The following OTOG variants were observed in gnomAD, a reference collection of about 807,000 sequenced individuals.
OTOG encodes otogelin.
Under a neutral mutation model 313.8 loss-of-function variants are expected in OTOG, and 296 were observed. That is an observed-to-expected ratio of 0.94 (90% CI 0.86 to 1.04). OTOG has a LOEUF of 1.04. OTOG is among the 50% of genes least tolerant of loss of function. OTOG has a pLI of 0.00. For synonymous variants in OTOG, 1,533 were observed against 1,554.9 expected (o/e 0.99, Z 0.33); for missense variants, 3,948 against 3,840.1 (o/e 1.03, Z -0.74).
Position 17,612,221 on chromosome 11 carries a change from G to T in OTOG, c.6183G>T (p.Val2061=). ...HICLEGQLIR[V]NQSQHCPQGA... is the part of the protein sequence containing the mutation. The stretch of plus-strand genomic sequence containing the variant: ...GCCTGGAGGGCCAGCTGATTCGCGT[G>T]AATCAGTCCCAGCACTGTCCCCAGG... The change falls in exon 37 of 56, where the codon GTG becomes GTT. Residue 2061 remains valine, a synonymous_variant. Transcript: ENST00000399397. The T allele has an allele frequency of 6.5e-7, 1 of 1,549,328 alleles. No homozygotes were observed.
Position 17,635,082 on chromosome 11 carries a change from T to C in OTOG, c.7588T>C (p.Cys2530Arg). The C allele has an allele frequency of 1.9e-6, 3 of 1,547,742 alleles. No individual in the cohort carries two copies. Among genetic ancestry groups the C allele is most frequent in the African/African-American group, 1.4e-5 (1 of 73,008 alleles). The part of the protein sequence containing the change: ...DSCCPSYSCE[C>R]DPDLCEAELV... ...CCTAAATTCAGCCTTTTCCCCAGAG[T>C]GTGACCCAGATCTCTGTGAGGCAGA... Residue 2530 changes from cysteine to arginine, a missense_variant and splice_region_variant, in exon 46 of 56, where the codon TGT (cysteine) becomes CGT (arginine). Coordinates refer to ENST00000399397, the MANE Select transcript of OTOG (RefSeq NM_001292063.2).
chr11:17,592,920 T>C (rs1852984725), intron 25 of OTOG, among the ~76,000 whole-genome samples: 2 of 152,204 alleles, frequency 1.3e-5, no homozygotes. Context: ...CTCTTCCCCA[T>C]ACCCTATCAA....
intron 25 of OTOG, among the ~76,000 whole-genome samples, 186 bp from the exon 26 acceptor site, chr11:17,593,007 C>T (rs775039785): frequency 3.9e-5 from 6 of 152,082 alleles, no homozygotes; most frequent in South Asian, 4.2e-4. Context: ...TGTTAAACAC[C>T]GCACTAGGCA....
At chr11:17,578,602 A>G in intron 23 of OTOG, 76 bp downstream of exon 23, 1 of 1,443,488 alleles carries the variant, frequency 6.9e-7, no homozygotes, top group Non-Finnish European at 9.1e-7. Flanking sequence ...GAGTGGGGGC[A>G]GGGAAAACAT....
chr11:17,570,334 G>A lies in OTOG; in HGVS notation c.1899G>A (p.Val633=), dbSNP rs1852377166. The change falls in exon 17 of 56, where the codon GTG becomes GTA. Residue 633 remains valine (V), a synonymous_variant. Transcript: ENST00000399397. ...ACCTGCAAGTGGACCAGCGATGGGTGGAGGATACCGTGGGCCTCTGCGGCA... is the reference window on the plus strand; with the variant it reads ...ACCTGCAAGTGGACCAGCGATGGGTAGAGGATACCGTGGGCCTCTGCGGCA... ...RLYLQVDQRW[V]EDTVGLCGTF... is the part of the protein sequence containing the mutation. The A allele has an allele frequency of 7.7e-6, 12 of 1,550,700 alleles. No individual in the cohort carries two copies. In the East Asian group the frequency reaches 2.7e-4, roughly 35 times the overall value.
At position 17,634,108 on chromosome 11, in the gene OTOG, A is replaced by T; in HGVS notation, c.7307A>T (p.Glu2436Val). ...DSMGVPRALG[E>V]TWNSSLSGCC... The stretch of plus-strand genomic sequence containing the variant: ...ATGGGGGTGCCGAGGGCCCTGGGGG[A>T]GACCTGGAACAGCTCCCTCAGCGGC... The change falls in exon 44 of 56, where the codon GAG becomes GTG. Residue 2436 changes from glutamate (E) to valine (V), a missense_variant. Physicochemically the swap from Glu to Val is moderately radical, Grantham distance 121. Transcript: ENST00000399397. 6.5e-7 allele frequency: 1 copy of T among 1,548,178 alleles called. No homozygotes were observed. Among genetic ancestry groups the T allele is most frequent in the South Asian group, 1.2e-5 (1 of 83,956 alleles).
intron 31 of OTOG, among the ~76,000 whole-genome samples, chr11:17,600,400 G>A (rs1486237320): frequency 1.3e-5 from 2 of 152,184 alleles, no homozygotes; most frequent in Non-Finnish European, 2.9e-5. Context: ...CCTCAGTGCT[G>A]TTCGCCTTTG....
chr11:17,633,643 G>C (rs1235848535), intron 42 of OTOG, 37 bp from the exon 43 acceptor site: 1 of 1,483,128 alleles, frequency 6.7e-7, no homozygotes, highest in Admixed American at 2.3e-5. Flanking sequence ...CCTGCCTGGG[G>C]TCTGAGGTAG....
chr11:17,640,928 G>T lies in OTOG; in HGVS notation c.8027G>T (p.Cys2676Phe), dbSNP rs1457827936. The change falls in exon 51 of 56, where the codon TGT (cysteine) becomes TTT (phenylalanine). Residue 2676 changes from cysteine to phenylalanine, a missense_variant. Transcript: ENST00000399397. ...GCCCATCCAGTGAAGGCCCCGGTGT[G>T]TCTGAGCCGCGAGCTGGGTGTGATG... ...AKYECVKAPV[C>F]LSRELGVMQP... 6.5e-7 allele frequency: 1 copy of T among 1,548,388 alleles called. No homozygotes were observed. The highest frequency in any genetic ancestry group is 2.4e-5 in the East Asian group (1 of 40,916).
intron 3 of OTOG, 49 bp from the exon 4 acceptor site, chr11:17,551,951 C>A: frequency 6.6e-7 from 1 of 1,516,514 alleles, no homozygotes; most frequent in Non-Finnish European, 9.0e-7. Flanking sequence ...CCTGGGAACC[C>A]GTCCTGAGGT....
intron 37 of OTOG, 90 bp downstream of exon 37, chr11:17,612,420 C>T (rs1853584158): frequency 1.4e-6 from 2 of 1,443,606 alleles, no homozygotes; most frequent in African/African-American, 1.4e-5. Flanking sequence ...GTCCCAGACT[C>T]CCCTCCTGTG....
intron 6 of OTOG, among the ~76,000 whole-genome samples, chr11:17,554,099 C>T (rs969894594): frequency 5.3e-5 from 8 of 152,110 alleles, no homozygotes; most frequent in African/African-American, 1.9e-4. Context: ...GGAAAAAGAT[C>T]ATTGGGTGCT....
At position 17,586,479 on chromosome 11, in the gene OTOG, T is replaced by G; in HGVS notation, c.2765T>G (p.Leu922Arg). 1 of 1,421,970 alleles carries G rather than the reference T, an allele frequency of 7.0e-7. No homozygotes were observed. 88.1% of individuals were successfully genotyped at this position (1,421,970 alleles called of 1,614,324 possible). ...TGCTTGCTGTGTCTCTACAGTCTGC[T>G]CAGACACGGGGATGCATGTTTCCTG... ...LSGCACPQGL[L>R]RHGDACFLPE... Residue 922 changes from leucine to arginine, a missense_variant, in exon 24 of 56, where the codon CTC (leucine) becomes CGC (arginine). Coordinates refer to ENST00000399397, the MANE Select transcript of OTOG (RefSeq NM_001292063.2).
chr11:17,612,480 A>G, intron 37 of OTOG, 140 bp from the exon 38 acceptor site: 1 of 1,385,410 alleles, frequency 7.2e-7, no homozygotes, highest in Non-Finnish European at 9.6e-7. Flanking sequence ...GATCTGTGTG[A>G]TGCGTGGTCT....
chr11:17,554,492 C>T (rs1852011981), intron 6 of OTOG, among the ~76,000 whole-genome samples: 4 of 152,244 alleles, frequency 2.6e-5, no homozygotes, highest in African/African-American at 9.7e-5. Flanking sequence ...GCTCAATACC[C>T]CTCCACCTGG....
At chr11:17,585,861 T>A (rs1471236656) in intron 23 of OTOG, among the ~76,000 whole-genome samples, 1 of 152,200 alleles carries the variant, frequency 6.6e-6, no homozygotes, top group Non-Finnish European at 1.5e-5. Context: ...AATAGGAAGG[T>A]TAAGTAACTT....
In OTOG at chr11:17,641,889, G is replaced by C; in HGVS notation, c.8233G>C (p.Gly2745Arg). The change falls in exon 52 of 56, where the codon GGC becomes CGC. Residue 2745 changes from glycine to arginine, a missense_variant. Coordinates refer to ENST00000399397, the MANE Select transcript of OTOG (RefSeq NM_001292063.2). Reference protein sequence around the residue: ...EHPRDLAACCGSCRNVSCLFT... With the variant: ...EHPRDLAACCRSCRNVSCLFT... ...CCCGCGGGACCTCGCTGCCTGCTGC[G>C]GCTCCTGCAGGAACGTGTCCTGTCT... 1 of 1,550,288 alleles carries C rather than the reference G, an allele frequency of 6.5e-7. No individual in the cohort carries two copies. The highest frequency in any genetic ancestry group is 2.0e-5 in the Admixed American group (1 of 50,984).
rs1038093017 is a variant in OTOG, at chr11:17,602,227, T to C, written c.3727T>C (p.Tyr1243His). 5.2e-6 allele frequency: 8 copies of C among 1,550,424 alleles called. No individual in the cohort carries two copies. The highest frequency in any genetic ancestry group is 4.9e-5 in the East Asian group (2 of 40,920). Residue 1243 changes from tyrosine to histidine, a missense_variant, in exon 32 of 56, where the codon TAT (tyrosine) becomes CAT (histidine). Coordinates refer to ENST00000399397, the MANE Select transcript of OTOG (RefSeq NM_001292063.2). ...FFNKVLGKGP[Y>H]QLSSLAAGGA... The stretch of plus-strand genomic sequence containing the variant: ...CTCTCCAGTGCTAGGTAAGGGCCCC[T>C]ATCAGCTATCCAGCTTGGCAGCCGG...
At chr11:17,557,958 T>C (rs1383773331) in intron 8 of OTOG, among the ~76,000 whole-genome samples, 2 of 152,138 alleles carry the variant, frequency 1.3e-5, no homozygotes, top group Non-Finnish European at 2.9e-5. Flanking sequence ...TTTGGAGCCA[T>C]AGGGAGCTAC....
Sources: allele counts gnomAD v4.1 joint callset (sites outside exome capture counted in the v4.1 genomes callset), GRCh38; gene constraint gnomAD v4.1.1; transcripts MANE v1.5; gene names NCBI Gene and HGNC (gene_info 2026-07-23, HGNC 2026-07-21).